Variants in TAF8 observed in about 807,000 individuals in gnomAD.
TAF8 encodes the protein transcription initiation factor TFIID subunit 8.
Under a neutral mutation model 36.5 loss-of-function variants are expected in TAF8, and 47 were observed. The observed-to-expected ratio is 1.29, with a 90% CI of 1.02 to 1.64. The LOEUF (loss-of-function observed/expected upper bound fraction) is 1.64. TAF8 is among the 40% of genes most tolerant of loss of function. The probability of loss-of-function intolerance (pLI) is 0.00; values close to 1 mark genes in which losing one functional copy is unlikely to be tolerated. For missense variants in TAF8, 420 were observed against 407.6 expected, an observed-to-expected ratio of 1.03 and a Z score of -0.26; for synonymous variants, 175 against 159.5, an observed-to-expected ratio of 1.10 and a Z score of -0.73.
chr6:42,051,635 A>AT (rs369742451), intron 2 of TAF8, 122 bp downstream of exon 2: 20 of 1,199,104 alleles, frequency 1.7e-5, no homozygotes, highest in Admixed American at 2.8e-5. Context: ...GAGAAAAAAA[A>AT]TTTTTTTTAA....
At chr6:42,051,297 G>GT (rs1452337011) in intron 1 of TAF8, 60 bp from the exon 2 acceptor site, 30 of 1,531,960 alleles carry the variant, frequency 2.0e-5, no homozygotes, top group Admixed American at 8.9e-5. Context: ...CGTTGACCAC[G>GT]TATGAACTAT....
chr6:42,062,278 A>G (rs1765215079), intron 5 of TAF8, among the ~76,000 whole-genome samples: 1 of 152,140 alleles, frequency 6.6e-6, no homozygotes, highest in African/African-American at 2.4e-5. Flanking sequence ...AACCCTTTAC[A>G]ATTTTCCACC....
chr6:42,070,752 ATGCTGT>A (rs1397338334), intron 7 of TAF8, among the ~76,000 whole-genome samples: 3 of 152,168 alleles, frequency 2.0e-5, no homozygotes, highest in Non-Finnish European at 2.9e-5. Flanking sequence ...ACGTGTTTGT[ATGCTGT>A]TGGGAATGAT....
chr6:42,059,155 G>T (rs547783728), intron 5 of TAF8, among the ~76,000 whole-genome samples: 1 of 151,890 alleles, frequency 6.6e-6, no homozygotes, highest in East Asian at 1.9e-4. Flanking sequence ...AGGCCGAGGT[G>T]GGGGGATCAT....
At chr6:42,071,211 T>A (rs1033560204) in intron 7 of TAF8, 2 of 175,976 alleles carry the variant, frequency 1.1e-5, no homozygotes, top group Admixed American at 1.2e-4. Flanking sequence ...TTATGTTCTC[T>A]AAGATGTGAT....
chr6:42,081,023 T>C lies in TAF8; in HGVS notation c.*3478T>C. 1.0e-6 allele frequency: 1 copy of C among 966,734 alleles called. No homozygotes were observed. The highest frequency in any genetic ancestry group is 1.2e-6 in the Non-Finnish European group (1 of 812,958). 59.9% of individuals were successfully genotyped at this position (966,734 alleles called of 1,614,324 possible). On this transcript the variant is annotated 3_prime_UTR_variant, in exon 9 of 9. Coordinates refer to ENST00000372977, the MANE Select transcript of TAF8 (RefSeq NM_138572.3). The stretch of plus-strand genomic sequence containing the variant: ...ACCTGGGAACTTAGTAAAACTTTTA[T>C]TTTGGAAATTTTCAAATACAAAATT...
At chr6:42,072,159 A>G (rs1027634871) in intron 7 of TAF8, among the ~76,000 whole-genome samples, 3 of 152,254 alleles carry the variant, frequency 2.0e-5, no homozygotes, top group Non-Finnish European at 4.4e-5. Context: ...GCTGGTATCT[A>G]TCAGGTGCCT....
chr6:42,051,773 C>T, intron 2 of TAF8: 1 of 241,842 alleles, frequency 4.1e-6, no homozygotes, highest in Non-Finnish European at 8.1e-6. Context: ...CCAGCCTGGC[C>T]AACGTGGCGA....
chr6:42,053,495 G>A (rs1269001769), intron 2 of TAF8, among the ~76,000 whole-genome samples: 1 of 151,276 alleles, frequency 6.6e-6, no homozygotes, highest in Non-Finnish European at 1.5e-5. Context: ...AACCCAGGTG[G>A]CAGAGATTGC....
At chr6:42,053,449 C>T (rs1033852394) in intron 2 of TAF8, among the ~76,000 whole-genome samples, 4 of 151,650 alleles carry the variant, frequency 2.6e-5, no homozygotes, top group Middle Eastern at 3.2e-3. Flanking sequence ...CCTGTAATTA[C>T]AGCTACTCGG....
intron 2 of TAF8, among the ~76,000 whole-genome samples, chr6:42,053,329 G>A (rs1473103853): frequency 2.0e-5 from 3 of 152,146 alleles, no homozygotes; most frequent in East Asian, 1.9e-4. Context: ...TTGGGAGGCC[G>A]AGGCGGGTAT....
At chr6:42,074,268 G>A (rs1044194219) in intron 7 of TAF8, among the ~76,000 whole-genome samples, 5 of 152,152 alleles carry the variant, frequency 3.3e-5, no homozygotes, top group African/African-American at 1.2e-4. Flanking sequence ...AGACTTAGGT[G>A]CCTGAAGTCT....
intron 2 of TAF8, among the ~76,000 whole-genome samples, chr6:42,052,717 T>A (rs1031747450): frequency 6.6e-6 from 1 of 152,196 alleles, no homozygotes; most frequent in African/African-American, 2.4e-5. Context: ...TTCCCTGTTT[T>A]GAACTTTTGG....
rs1765882204 is a variant in TAF8, at chr6:42,080,263, A to G, written c.*2718A>G. On this transcript the variant is annotated 3_prime_UTR_variant, in exon 9 of 9. Coordinates refer to ENST00000372977, the MANE Select transcript of TAF8 (RefSeq NM_138572.3). ...CAGCTTCCATTTGTTGTTGTTATCC[A>G]GTGTAAGCACCTGTTGAATGCAGAT... The G allele has an allele frequency of 2.0e-6, 2 of 985,448 alleles. No homozygotes were observed. Among genetic ancestry groups the G allele is most frequent in the African/African-American group, 1.7e-5 (1 of 57,192 alleles). The allele number at this position is 985,448 out of a possible 1,614,324, so 61.0% of individuals were successfully genotyped here. A position where few individuals can be genotyped will look rare whatever the true frequency, so the allele number is the denominator to read the frequency against.
chr6:42,056,310 G>T, intron 4 of TAF8: 1 of 303,304 alleles, frequency 3.3e-6, no homozygotes, highest in Non-Finnish European at 6.3e-6. Flanking sequence ...TTAGATTAAG[G>T]GTTGGTAAAT....
intron 1 of TAF8, chr6:42,051,050 T>C (rs745734993): frequency 1.8e-6 from 2 of 1,100,764 alleles, no homozygotes; most frequent in Non-Finnish European, 2.2e-6. Flanking sequence ...GGACACGTCT[T>C]AATCCCATCA....
intron 2 of TAF8, among the ~76,000 whole-genome samples, chr6:42,053,711 C>T (rs1423511732): frequency 6.6e-6 from 1 of 152,058 alleles, no homozygotes; most frequent in African/African-American, 2.4e-5. Flanking sequence ...GTGAAAAAGT[C>T]AAATAACAAC....
chr6:42,055,886 C>A, intron 3 of TAF8, 66 bp from the exon 4 acceptor site: 1 of 1,099,788 alleles, frequency 9.1e-7, no homozygotes, highest in Non-Finnish European at 1.4e-6. Context: ...GTCCATACTA[C>A]TACTATTCTT....
At chr6:42,064,333 A>G (rs1404276392) in intron 5 of TAF8, among the ~76,000 whole-genome samples, 3 of 151,216 alleles carry the variant, frequency 2.0e-5, no homozygotes, top group African/African-American at 2.4e-5. Flanking sequence ...GCTCACTTCA[A>G]CCTCTGTCTC....
Sources: gnomAD v4.1 joint callset for allele counts (sites outside exome capture counted in the v4.1 genomes callset) on GRCh38, gnomAD v4.1.1 for gene constraint, MANE v1.5 for transcripts, NCBI Gene and HGNC (gene_info 2026-07-23, HGNC 2026-07-21) for gene names.